ADAMTSL1: variants seen among roughly 807,000 people sequenced by gnomAD.
The protein encoded by ADAMTSL1 is ADAMTS-like protein 1.
ADAMTSL1 carries 126 observed loss-of-function variants against 201.8 expected under a neutral mutation model. The ratio of observed to expected loss-of-function variants is 0.62; its 90% CI spans 0.54 to 0.72. The LOEUF is 0.72. Among genes scored for constraint, ADAMTSL1 ranks in the 30% least tolerant of loss-of-function variants. The pLI is 0.00. For synonymous variants in ADAMTSL1, 1,121 were observed against 903.4 expected, an observed-to-expected ratio of 1.24 and a Z score of -4.32; for missense variants, 2,679 against 2,277.8, an observed-to-expected ratio of 1.18 and a Z score of -3.59.
In ADAMTSL1 at chr9:18,904,633, CAAAAAAAAAAAAAAAAAAAAAAAAAA is replaced by C. The variant is rs71333072; in HGVS notation, c.4852-1135_4852-1110del. Among the ~76,000 whole-genome samples, 7 of 14,984 alleles carry C rather than the reference CAAAAAAAAAAAAAAAAAAAAAAAAAA, an allele frequency of 4.7e-4. 1 individual carries two copies. The Admixed American group carries it at 0.011, about 24-fold the overall frequency. The allele number at this position is 14,984 out of a possible 152,430, so 9.8% of individuals were successfully genotyped here. A position where few individuals can be genotyped will look rare whatever the true frequency, so the allele number is the denominator to read the frequency against. On this transcript the variant is annotated intron_variant, in intron 26 of 28. Coordinates refer to ENST00000380548, the MANE Select transcript of ADAMTSL1 (RefSeq NM_001040272.6). Reference sequence around the variant, plus strand: ...TGGGCAACAGAAAGAGACCCTGCCTCAAAAAAAAAAAAAAAAAAAAAAAAAAAAAAAAAAAAAAAGGTCCGTTTATG... The same window carrying C: ...TGGGCAACAGAAAGAGACCCTGCCTCAAAAAAAAAAAAAGGTCCGTTTATG...
intron 2 of ADAMTSL1, among the ~76,000 whole-genome samples, chr9:18,518,805 T>A (rs1362366887): frequency 1.3e-5 from 2 of 152,318 alleles, no homozygotes; most frequent in East Asian, 3.9e-4. Flanking sequence ...GCCCCCCGGA[T>A]TCAAGCGATT....
At chr9:18,382,287 G>T (rs769933581) in intron 2 of ADAMTSL1, among the ~76,000 whole-genome samples, 2 of 152,148 alleles carry the variant, frequency 1.3e-5, no homozygotes, top group Admixed American at 1.3e-4. Context: ...ACGTCTTTCT[G>T]TAGTGAACTC....
chr9:18,451,578 A>G (rs1820406927), intron 2 of ADAMTSL1, among the ~76,000 whole-genome samples: 1 of 152,222 alleles, frequency 6.6e-6, no homozygotes, highest in African/African-American at 2.4e-5. Flanking sequence ...GCTCTTGTGT[A>G]AATATACTTG....
rs113734030 is a variant in ADAMTSL1, at chr9:18,484,244, A to G, written c.63+9949A>G. ...AGGATTTGGCACAGGGGTGAGGAAG[A>G]CAGGAATTAATTGGTCAGTACTTTC... is the stretch of plus-strand genomic sequence containing the variant. On this transcript the variant is annotated intron_variant, in intron 1 of 28. Transcript: ENST00000380548. Among the ~76,000 whole-genome samples the G allele has an allele frequency of 3.2e-3, 480 of 152,334 alleles. 5 individuals carry two copies. The highest frequency in any genetic ancestry group is 0.011 in the African/African-American group (442 of 41,580).
chr9:18,244,292 C>T (rs1831177982), intron 2 of ADAMTSL1, among the ~76,000 whole-genome samples: 1 of 152,120 alleles, frequency 6.6e-6, no homozygotes, highest in African/African-American at 2.4e-5. Flanking sequence ...GATCTGCTCA[C>T]TTCTGACCTC....
chr9:18,496,054 A>G (rs1291829200), intron 1 of ADAMTSL1, among the ~76,000 whole-genome samples: 2 of 152,208 alleles, frequency 1.3e-5, no homozygotes, highest in Admixed American at 6.5e-5. Context: ...AGATAACTCA[A>G]AAATAGAAAG....
chr9:18,475,116 T>C (rs546197953), intron 1 of ADAMTSL1, among the ~76,000 whole-genome samples: 8 of 152,330 alleles, frequency 5.3e-5, no homozygotes, highest in Non-Finnish European at 1.0e-4. Flanking sequence ...ACCAGAGTGT[T>C]CTGGGCAGGC....
intron 2 of ADAMTSL1, among the ~76,000 whole-genome samples, chr9:18,368,031 C>T (rs908943467): frequency 9.2e-5 from 14 of 152,050 alleles, no homozygotes; most frequent in African/African-American, 3.1e-4. Context: ...CCCTGAGTAG[C>T]TGGGACTACA....
At chr9:18,639,080 A>G (rs760611554) in intron 6 of ADAMTSL1, among the ~76,000 whole-genome samples, 174 bp from the exon 7 acceptor site, 10 of 152,104 alleles carry the variant, frequency 6.6e-5, no homozygotes, top group South Asian at 4.1e-4. Context: ...ATAAATTCCT[A>G]TGTGACTCAG....
At chr9:18,290,190 G>A (rs1182831905) in intron 2 of ADAMTSL1, among the ~76,000 whole-genome samples, 1 of 152,064 alleles carries the variant, frequency 6.6e-6, no homozygotes, top group African/African-American at 2.4e-5. Context: ...TTGATAAAAA[G>A]CAAGAGTGCC....
intron 2 of ADAMTSL1, among the ~76,000 whole-genome samples, chr9:18,453,615 G>A (rs950651461): frequency 5.9e-5 from 9 of 151,820 alleles, no homozygotes; most frequent in Admixed American, 3.9e-4. Context: ...ATTAAAATTA[G>A]CCACACAGCT....
chr9:18,766,975 T>C (rs1203904526), intron 16 of ADAMTSL1, among the ~76,000 whole-genome samples: 1 of 152,142 alleles, frequency 6.6e-6, no homozygotes, highest in East Asian at 1.9e-4. Context: ...ATATGTTTTG[T>C]AAGTAAACCT....
At chr9:18,190,848 C>G (rs1166438531) in intron 2 of ADAMTSL1, among the ~76,000 whole-genome samples, 1 of 152,132 alleles carries the variant, frequency 6.6e-6, no homozygotes, top group Non-Finnish European at 1.5e-5. Context: ...TCTGACCACC[C>G]ACCAATAAGT....
At chr9:18,524,788 A>T (rs904100300) in intron 2 of ADAMTSL1, among the ~76,000 whole-genome samples, 3 of 152,294 alleles carry the variant, frequency 2.0e-5, no homozygotes, top group Admixed American at 2.0e-4. Context: ...CCAGGGATGA[A>T]GCCCACTTGA....
chr9:18,274,876 C>T (rs1563851182), intron 2 of ADAMTSL1, among the ~76,000 whole-genome samples: 2 of 152,156 alleles, frequency 1.3e-5, no homozygotes, highest in African/African-American at 4.8e-5. Context: ...TGGAATTTGG[C>T]CAATAAAAGA....
intron 1 of ADAMTSL1, among the ~76,000 whole-genome samples, chr9:17,974,061 A>G (rs1211001473): frequency 1.3e-5 from 2 of 151,996 alleles, no homozygotes; most frequent in East Asian, 3.9e-4. Flanking sequence ...CATGCTAAAA[A>G]CTCTCAATAA....
intron 23 of ADAMTSL1, among the ~76,000 whole-genome samples, chr9:18,855,515 G>A (rs1490948590): frequency 1.3e-5 from 2 of 152,144 alleles, no homozygotes; most frequent in Non-Finnish European, 2.9e-5. Flanking sequence ...AGAAAATGAT[G>A]ATAACAATAA....
chr9:18,716,670 G>C (rs957331197), intron 14 of ADAMTSL1, among the ~76,000 whole-genome samples: 1 of 147,664 alleles, frequency 6.8e-6, no homozygotes, highest in Non-Finnish European at 1.5e-5. Flanking sequence ...CATTGTGGAA[G>C]TCAGTGTGGC....
chr9:18,389,823 A>G (rs1837969610), intron 2 of ADAMTSL1, among the ~76,000 whole-genome samples: 1 of 152,236 alleles, frequency 6.6e-6, no homozygotes, highest in African/African-American at 2.4e-5. Context: ...TCTTATATTT[A>G]GTGGTTTTTA....
Sources: allele counts gnomAD v4.1 joint callset (sites outside exome capture counted in the v4.1 genomes callset), GRCh38; gene constraint gnomAD v4.1.1; transcripts MANE v1.5; gene names NCBI Gene and HGNC (gene_info 2026-07-23, HGNC 2026-07-21).